The following DOK5 variants were observed in gnomAD, a reference collection of about 807,000 sequenced individuals.
The protein encoded by DOK5 is downstream of tyrosine kinase 5.
A neutral mutation model predicts 43.3 loss-of-function variants in DOK5; 27 were observed. The ratio of observed to expected loss-of-function variants is 0.62; its 90% CI spans 0.46 to 0.86. The LOEUF (loss-of-function observed/expected upper bound fraction) is 0.86. Among genes scored for constraint, DOK5 ranks in the 40% least tolerant of loss-of-function variants. DOK5 has a pLI of 0.00. For missense variants in DOK5, 373 were observed against 392.9 expected, an observed-to-expected ratio of 0.95 and a Z score of 0.43; for synonymous variants, 146 against 140.1, an observed-to-expected ratio of 1.04 and a Z score of -0.30.
At position 54,554,918 on chromosome 20, in the gene DOK5, T is replaced by C. The variant is rs776721946; in HGVS notation, c.67-15T>C. 9 of 1,554,902 alleles carry C rather than the reference T, an allele frequency of 5.8e-6. No homozygotes were observed. The African/African-American group carries it at 1.1e-4, about 19-fold the overall frequency. On this transcript the variant is annotated splice_polypyrimidine_tract_variant and intron_variant, in intron 1 of 7. Coordinates refer to ENST00000262593, the MANE Select transcript of DOK5 (RefSeq NM_018431.5). Reference sequence around the variant, plus strand: ...CAGGGGAGATGCTGAGCTCAGTCTTTGTATTTCCTTCCAGATTTATCAGCG... The same window carrying C: ...CAGGGGAGATGCTGAGCTCAGTCTTCGTATTTCCTTCCAGATTTATCAGCG...
At chr20:54,588,881 C>A in intron 4 of DOK5, 75 bp downstream of exon 4, 1 of 1,507,944 alleles carries the variant, frequency 6.6e-7, no homozygotes, top group Non-Finnish European at 9.0e-7. Flanking sequence ...AAGACATCTT[C>A]ATTATGTAAA....
intron 1 of DOK5, among the ~76,000 whole-genome samples, chr20:54,549,744 T>C (rs1984462031): frequency 6.6e-6 from 1 of 152,210 alleles, no homozygotes; most frequent in African/African-American, 2.4e-5. Context: ...AGTTAGGAAA[T>C]GTAAAATATC....
At chr20:54,495,356 G>A (rs757117578) in intron 1 of DOK5, among the ~76,000 whole-genome samples, 2 of 152,176 alleles carry the variant, frequency 1.3e-5, no homozygotes, top group Admixed American at 6.5e-5. Context: ...GCTGGTTATA[G>A]CTCGTTGTAG....
chr20:54,537,686 A>G (rs1225956735), intron 1 of DOK5, among the ~76,000 whole-genome samples: 1 of 152,146 alleles, frequency 6.6e-6, no homozygotes, highest in Non-Finnish European at 1.5e-5. Flanking sequence ...ACCTTGTGGC[A>G]TTGTAACTAA....
At chr20:54,561,885 G>A (rs541824816) in intron 2 of DOK5, among the ~76,000 whole-genome samples, 12 of 152,154 alleles carry the variant, frequency 7.9e-5, no homozygotes, top group South Asian at 2.1e-4. Flanking sequence ...TCGAACTCCC[G>A]ACCTCAGGTG....
At chr20:54,641,199 A>T (rs1979094223) in intron 6 of DOK5, among the ~76,000 whole-genome samples, 1 of 152,218 alleles carries the variant, frequency 6.6e-6, no homozygotes, top group African/African-American at 2.4e-5. Flanking sequence ...AGTTATCCTC[A>T]TGGAATCTAA....
intron 5 of DOK5, among the ~76,000 whole-genome samples, chr20:54,592,813 T>A (rs749349793): frequency 2.6e-5 from 4 of 152,186 alleles, no homozygotes; most frequent in Non-Finnish European, 4.4e-5. Context: ...ATTACCGGCG[T>A]GAGCCACCAC....
Position 54,573,416 on chromosome 20 carries a change from G to A in DOK5, c.175-15067G>A, listed in dbSNP as rs548769675. On this transcript the variant is annotated intron_variant, in intron 2 of 7. Transcript: ENST00000262593. ...AAGATAATAAAGTTAGGCGAGGCGC[G>A]GTGGCTCATGCCTGTAATCCCAGCA... Among the ~76,000 whole-genome samples, 11 of 152,206 alleles carry A rather than the reference G, an allele frequency of 7.2e-5. No homozygotes were observed. The South Asian group carries it at 1.7e-3, about 23-fold the overall frequency.
intron 2 of DOK5, among the ~76,000 whole-genome samples, chr20:54,575,351 T>G (rs1205989562): frequency 2.6e-5 from 4 of 152,198 alleles, no homozygotes; most frequent in Non-Finnish European, 4.4e-5. Flanking sequence ...CAGGGAACTT[T>G]GGATATGGGA....
intron 1 of DOK5, among the ~76,000 whole-genome samples, chr20:54,501,111 A>T (rs1017972992): frequency 6.6e-6 from 1 of 152,168 alleles, no homozygotes; most frequent in East Asian, 1.9e-4. Flanking sequence ...CTCTTAATAC[A>T]TATTACAAAT....
intron 6 of DOK5, among the ~76,000 whole-genome samples, chr20:54,622,148 C>G (rs1018586372): frequency 6.6e-6 from 1 of 151,460 alleles, no homozygotes; most frequent in Non-Finnish European, 1.5e-5. Flanking sequence ...GAGCCGAGAT[C>G]ACGCCATGAA....
chr20:54,627,639 A>T (rs1217243876), intron 6 of DOK5, among the ~76,000 whole-genome samples: 2 of 152,190 alleles, frequency 1.3e-5, no homozygotes, highest in African/African-American at 4.8e-5. Context: ...GTGACAGGGT[A>T]AGGGTACGGG....
chr20:54,636,028 G>A (rs1327788643), intron 6 of DOK5, among the ~76,000 whole-genome samples: 3 of 152,160 alleles, frequency 2.0e-5, no homozygotes, highest in Admixed American at 2.0e-4. Context: ...ATGGTGGAAA[G>A]TATCAAGTGG....
chr20:54,550,633 A>G (rs146882842), intron 1 of DOK5, among the ~76,000 whole-genome samples: 1 of 152,242 alleles, frequency 6.6e-6, no homozygotes, highest in Non-Finnish European at 1.5e-5. Context: ...AAATGCAATC[A>G]TGTAGTATGT....
At position 54,580,751 on chromosome 20, in the gene DOK5, C is replaced by T. The variant is rs542151894; in HGVS notation, c.175-7732C>T. On this transcript the variant is annotated intron_variant, in intron 2 of 7. Coordinates refer to ENST00000262593, the MANE Select transcript of DOK5 (RefSeq NM_018431.5). ...TTATTATTTTTGCTATTGAGTTATA[C>T]GAATTTCTTATATATTTTGGCTATT... 1.0e-3 allele frequency among the ~76,000 whole-genome samples: 154 copies of T among 152,042 alleles called. No individual in the cohort carries two copies. In the Middle Eastern group the frequency reaches 0.014, roughly 13 times the overall value.
At chr20:54,484,328 G>A (rs1032137769) in intron 1 of DOK5, among the ~76,000 whole-genome samples, 13 of 151,104 alleles carry the variant, frequency 8.6e-5, no homozygotes, top group Admixed American at 2.6e-4. Context: ...GCATTGAGCC[G>A]AGATTGCGCC....
chr20:54,490,734 C>T (rs1247318072), intron 1 of DOK5, among the ~76,000 whole-genome samples: 9 of 152,120 alleles, frequency 5.9e-5, no homozygotes, highest in African/African-American at 9.7e-5. Context: ...GGACTACAGG[C>T]GCATGCCACC....
At chr20:54,637,959 A>G (rs997976188) in intron 6 of DOK5, among the ~76,000 whole-genome samples, 1 of 152,056 alleles carries the variant, frequency 6.6e-6, no homozygotes, top group Non-Finnish European at 1.5e-5. Context: ...CGTCTCTACT[A>G]AAAATACAAA....
At chr20:54,599,298 A>T (rs889430856) in intron 5 of DOK5, among the ~76,000 whole-genome samples, 1 of 152,238 alleles carries the variant, frequency 6.6e-6, no homozygotes, top group South Asian at 2.1e-4. Context: ...GGGAACAAAC[A>T]TTGTGTCATT....
Sources: gnomAD v4.1 joint callset for allele counts (sites outside exome capture counted in the v4.1 genomes callset) on GRCh38, gnomAD v4.1.1 for gene constraint, MANE v1.5 for transcripts, NCBI Gene and HGNC (gene_info 2026-07-23, HGNC 2026-07-21) for gene names.